Variants in ASMTL observed in about 807,000 individuals in gnomAD.
ASMTL encodes probable bifunctional dTTP/UTP pyrophosphatase/methyltransferase protein.
ASMTL carries 57 observed loss-of-function variants against 60.3 expected under a neutral mutation model. That is an observed-to-expected ratio of 0.95 (90% CI 0.76 to 1.18). ASMTL has a LOEUF of 1.18. ASMTL is among the 50% of genes most tolerant of loss of function. The pLI, the probability that ASMTL is intolerant of heterozygous loss-of-function variation, is 0.00. For missense variants in ASMTL, 981 were observed against 852.6 expected (o/e 1.15, Z -1.88); for synonymous variants, 419 against 373.0 (o/e 1.12, Z -1.42).
chrX:1,406,374 T>C, intron 12 of ASMTL, among the ~76,000 whole-genome samples: 1 of 141,036 alleles, frequency 7.1e-6, no homozygotes, highest in African/African-American at 2.7e-5. Flanking sequence ...GAATAGATGG[T>C]AGATGATGGG....
At chrX:1,432,023 C>A (rs1461086102) in intron 6 of ASMTL, 3 of 575,418 alleles carry the variant, frequency 5.2e-6, no homozygotes, top group African/African-American at 1.9e-5. Flanking sequence ...TCCCCAGTCC[C>A]CACCGCAGCC....
chrX:1,418,322 ATCCT>A (rs2090372646), intron 10 of ASMTL, among the ~76,000 whole-genome samples: 2 of 152,042 alleles, frequency 1.3e-5, no homozygotes, highest in Admixed American at 6.6e-5. Flanking sequence ...CTGCAGGGAA[ATCCT>A]TCCAGCCCAG....
intron 11 of ASMTL, among the ~76,000 whole-genome samples, chrX:1,416,691 CACAGAG>C (rs2090287077): frequency 6.6e-6 from 1 of 151,696 alleles, no homozygotes; most frequent in Admixed American, 6.6e-5. Flanking sequence ...CAGATGCAGA[CACAGAG>C]ACACATTCTT....
intron 6 of ASMTL, among the ~76,000 whole-genome samples, chrX:1,429,937 G>GC (rs2090723686): frequency 6.6e-6 from 1 of 152,030 alleles, no homozygotes; most frequent in Non-Finnish European, 1.5e-5. Flanking sequence ...TAGTGTGCTG[G>GC]CAATTTTCCA....
chrX:1,447,306 T>C (rs1464106378), intron 1 of ASMTL, among the ~76,000 whole-genome samples: 1 of 152,202 alleles, frequency 6.6e-6, no homozygotes, highest in African/African-American at 2.4e-5. Flanking sequence ...CATTACACCA[T>C]CTTGGACACA....
At chrX:1,428,369 C>T (rs1342235983) in intron 6 of ASMTL, among the ~76,000 whole-genome samples, 1 of 150,836 alleles carries the variant, frequency 6.6e-6, no homozygotes, top group African/African-American at 2.4e-5. Flanking sequence ...AGGCTGGGCG[C>T]AATGGCTCAC....
intron 3 of ASMTL, among the ~76,000 whole-genome samples, chrX:1,437,874 C>T (rs1367923193): frequency 1.3e-4 from 18 of 141,078 alleles, no homozygotes; most frequent in Admixed American, 5.0e-4. Flanking sequence ...TCCAGCCTGG[C>T]GACAGAGTGA....
chrX:1,436,893 C>T (rs2090980522), intron 3 of ASMTL, among the ~76,000 whole-genome samples: 1 of 152,220 alleles, frequency 6.6e-6, no homozygotes, highest in Admixed American at 6.5e-5. Flanking sequence ...TCCTACAACC[C>T]AGGTGGCTTA....
intron 11 of ASMTL, among the ~76,000 whole-genome samples, chrX:1,417,660 CAT>C (rs1476941976): frequency 4.6e-5 from 7 of 151,680 alleles, no homozygotes; most frequent in Admixed American, 1.3e-4. Context: ...GACACACACA[CAT>C]ACTCTCACAG....
At chrX:1,427,494 G>T (rs1198934473) in intron 7 of ASMTL, among the ~76,000 whole-genome samples, 1 of 150,988 alleles carries the variant, frequency 6.6e-6, no homozygotes, top group Non-Finnish European at 1.5e-5. Flanking sequence ...ATGAGGCCAC[G>T]TGGAGGACGT....
intron 10 of ASMTL, among the ~76,000 whole-genome samples, chrX:1,418,758 C>G (rs1208915456): frequency 6.6e-6 from 1 of 152,102 alleles, no homozygotes; most frequent in Admixed American, 6.5e-5. Context: ...GCTCCGCAGC[C>G]AAAAGAGAGG....
At chrX:1,447,190 A>C (rs1322732106) in intron 1 of ASMTL, among the ~76,000 whole-genome samples, 1 of 152,222 alleles carries the variant, frequency 6.6e-6, no homozygotes, top group African/African-American at 2.4e-5. Context: ...CCTCAGCAGG[A>C]AGTGGCCAGA....
At chrX:1,410,744 A>G (rs1319011107) in intron 12 of ASMTL, among the ~76,000 whole-genome samples, 2 of 36,322 alleles carry the variant, frequency 5.5e-5, no homozygotes, top group Non-Finnish European at 1.4e-4. Flanking sequence ...TTAGCTGGGC[A>G]TGGTGATGCA....
At chrX:1,431,867 G>C (rs5989937) in intron 6 of ASMTL, 74,660 of 205,550 alleles carry the variant, frequency 0.36, 14,019 homozygotes, top group Non-Finnish European at 0.37. Flanking sequence ...TCACCAATCT[G>C]TGGACGGGAC....
intron 4 of ASMTL, 200 bp from the exon 5 acceptor site, chrX:1,435,283 C>A (rs1164921595): frequency 4.5e-6 from 3 of 663,842 alleles, no homozygotes; most frequent in Non-Finnish European, 8.2e-6. Flanking sequence ...CAAATCCCAC[C>A]AGCAGTGGCC....
upstream of ASMTL, among the ~76,000 whole-genome samples, chrX:1,453,407 C>A (rs1188636480): frequency 6.6e-6 from 1 of 151,848 alleles, no homozygotes; most frequent in Non-Finnish European, 1.5e-5. Context: ...CTCCGCCTCC[C>A]GGGCCCCGTC....
chrX:1,437,635 C>A (rs761727476), intron 3 of ASMTL, among the ~76,000 whole-genome samples: 2 of 151,880 alleles, frequency 1.3e-5, no homozygotes, highest in African/African-American at 4.8e-5. Context: ...TGGTGGCTCA[C>A]GCCTGTAATC....
intron 11 of ASMTL, among the ~76,000 whole-genome samples, chrX:1,416,822 G>C (rs1458936912): frequency 3.0e-4 from 43 of 144,812 alleles, no homozygotes; most frequent in Middle Eastern, 4.5e-3. Context: ...CATGCACACA[G>C]ATACAGATGG....
intron 6 of ASMTL, among the ~76,000 whole-genome samples, chrX:1,430,544 A>G (rs138756117): frequency 0.011 from 1,706 of 152,012 alleles, 43 homozygotes; most frequent in African/African-American, 0.039. Context: ...GCTTTGGTGG[A>G]AGGATCGCCT....
Sources: allele counts gnomAD v4.1 joint callset (sites outside exome capture counted in the v4.1 genomes callset), GRCh38; gene constraint gnomAD v4.1.1; transcripts MANE v1.5; gene names NCBI Gene and HGNC (gene_info 2026-07-23, HGNC 2026-07-21).